Variants in THSD4 observed in about 807,000 individuals in gnomAD.
THSD4 encodes thrombospondin type-1 domain-containing protein 4.
THSD4 carries 69 observed loss-of-function variants against 119.0 expected under a neutral mutation model. The observed-to-expected ratio is 0.58, with a 90% CI of 0.48 to 0.71. The LOEUF (loss-of-function observed/expected upper bound fraction) is 0.71. Ranked by LOEUF, THSD4 falls within the 30% of genes least tolerant of loss-of-function variation. The pLI is 0.00. For missense variants in THSD4, 1,393 were observed against 1,391.1 expected (o/e 1.00, Z -0.02); for synonymous variants, 524 against 540.4 (o/e 0.97, Z 0.42).
At chr15:71,196,314 C>T (rs2043719003) in intron 3 of THSD4, among the ~76,000 whole-genome samples, 1 of 152,140 alleles carries the variant, frequency 6.6e-6, no homozygotes, top group Non-Finnish European at 1.5e-5. Context: ...CACCCAGAGT[C>T]CCAGAGCTTA....
intron 3 of THSD4, among the ~76,000 whole-genome samples, chr15:71,182,834 C>T (rs2043547993): frequency 6.6e-6 from 1 of 151,748 alleles, no homozygotes; most frequent in Admixed American, 6.6e-5. Context: ...CCTTCCCTAC[C>T]AAGGATGCAC....
At chr15:71,633,269 C>CTTTTTTTTTTTTTTTTTTTTTT (rs67682951) in intron 7 of THSD4, among the ~76,000 whole-genome samples, 4 of 63,156 alleles carry the variant, frequency 6.3e-5, no homozygotes, top group Admixed American at 2.1e-4. Context: ...TTCTTTCTTT[C>CTTTTTTTTTTTTTTTTTTTTTT]TTTTTTTTTT....
intron 7 of THSD4, among the ~76,000 whole-genome samples, chr15:71,438,217 G>T (rs1410592260): frequency 6.6e-6 from 1 of 151,870 alleles, no homozygotes; most frequent in Non-Finnish European, 1.5e-5. Flanking sequence ...TTTTTCTATT[G>T]GGTTGCTGAT....
At chr15:71,286,761 T>G (rs960903230) in intron 6 of THSD4, among the ~76,000 whole-genome samples, 3 of 152,188 alleles carry the variant, frequency 2.0e-5, no homozygotes, top group African/African-American at 7.2e-5. Context: ...TAATTTACAC[T>G]CCCACCAACA....
intron 1 of THSD4, among the ~76,000 whole-genome samples, chr15:71,104,090 T>TA (rs900469937): frequency 6.6e-6 from 1 of 152,232 alleles, no homozygotes; most frequent in African/African-American, 2.4e-5. Context: ...AGTGTGTCCT[T>TA]ACTTATTCCA....
intron 6 of THSD4, among the ~76,000 whole-genome samples, chr15:71,369,575 G>A (rs1241856775): frequency 1.2e-4 from 18 of 152,152 alleles, no homozygotes; most frequent in Admixed American, 1.1e-3. Flanking sequence ...TTTATATGCT[G>A]GATTATGTTT....
intron 7 of THSD4, among the ~76,000 whole-genome samples, chr15:71,591,822 G>T (rs929988471): frequency 1.5e-4 from 23 of 151,992 alleles, no homozygotes; most frequent in Admixed American, 1.4e-3. Context: ...TAACAAAAAG[G>T]CAGCAGGTAA....
At chr15:71,200,950 T>C (rs1480844491) in intron 3 of THSD4, among the ~76,000 whole-genome samples, 1 of 152,328 alleles carries the variant, frequency 6.6e-6, no homozygotes, top group Non-Finnish European at 1.5e-5. Flanking sequence ...CCTATATCCA[T>C]GTGATGGTGG....
chr15:71,449,332 C>A (rs1244160347), intron 7 of THSD4, among the ~76,000 whole-genome samples: 2 of 152,258 alleles, frequency 1.3e-5, no homozygotes, highest in East Asian at 3.9e-4. Context: ...TTTGGGGGTA[C>A]ATTGATACTG....
At chr15:71,373,435 AT>A (rs1419818768) in intron 6 of THSD4, among the ~76,000 whole-genome samples, 1 of 152,000 alleles carries the variant, frequency 6.6e-6, no homozygotes, top group African/African-American at 2.4e-5. Flanking sequence ...CATGACTCCT[AT>A]TTTAGGGTCT....
intron 3 of THSD4, among the ~76,000 whole-genome samples, chr15:71,212,903 C>T (rs559341227): frequency 3.9e-5 from 6 of 152,282 alleles, no homozygotes; most frequent in African/African-American, 9.6e-5. Context: ...GTCACAGAGC[C>T]GGGCCATTTA....
chr15:71,636,214 G>T (rs1439656193), intron 7 of THSD4, among the ~76,000 whole-genome samples: 1 of 152,270 alleles, frequency 6.6e-6, no homozygotes, highest in East Asian at 1.9e-4. Context: ...TTGGGGTCAG[G>T]CGTTGGAGAC....
chr15:71,506,086 G>A (rs8034650), intron 7 of THSD4, among the ~76,000 whole-genome samples: 126,759 of 152,210 alleles, frequency 0.83, 55,169 homozygotes, highest in East Asian at 1. Context: ...AGAATTGATC[G>A]TGCACCTTCT....
intron 7 of THSD4, among the ~76,000 whole-genome samples, chr15:71,417,738 A>G (rs2046775097): frequency 1.8e-5 from 2 of 108,474 alleles, no homozygotes; most frequent in Admixed American, 1.2e-4. Context: ...GTGATTCCAT[A>G]TAAATTTTAA....
intron 7 of THSD4, among the ~76,000 whole-genome samples, chr15:71,628,598 G>A (rs975080326): frequency 6.6e-6 from 1 of 152,194 alleles, no homozygotes; most frequent in African/African-American, 2.4e-5. Context: ...GGTTTAGGGT[G>A]AAGCCTGAGG....
At chr15:71,734,805 TA>T (rs1257319812) in intron 10 of THSD4, among the ~76,000 whole-genome samples, 693 of 96,426 alleles carry the variant, frequency 7.2e-3, no homozygotes, top group East Asian at 7.8e-3. Context: ...AAAACTGCTC[TA>T]AAAAAAAAAA....
At chr15:71,638,801 T>C (rs921225328) in intron 7 of THSD4, among the ~76,000 whole-genome samples, 2 of 152,226 alleles carry the variant, frequency 1.3e-5, no homozygotes, top group Non-Finnish European at 2.9e-5. Context: ...AGCTACATTA[T>C]GCTTGAGTGA....
chr15:71,117,129 C>G (rs1415149931), intron 1 of THSD4, among the ~76,000 whole-genome samples: 1 of 152,102 alleles, frequency 6.6e-6, no homozygotes, highest in African/African-American at 2.4e-5. Context: ...TCTGAATAAG[C>G]AACTGGGTTG....
chr15:71,109,609 A>G (rs1383205951), intron 1 of THSD4, among the ~76,000 whole-genome samples: 1 of 152,184 alleles, frequency 6.6e-6, no homozygotes, highest in Non-Finnish European at 1.5e-5. Flanking sequence ...TGGGATGGCC[A>G]GAGAGCAATG....
Sources: gnomAD v4.1 joint callset for allele counts (sites outside exome capture counted in the v4.1 genomes callset) on GRCh38, gnomAD v4.1.1 for gene constraint, MANE v1.5 for transcripts, NCBI Gene and HGNC (gene_info 2026-07-23, HGNC 2026-07-21) for gene names.